Variants in CNTN5 observed in about 807,000 individuals in gnomAD.
CNTN5 encodes the protein contactin-5.
A neutral mutation model predicts 129.1 loss-of-function variants in CNTN5; 77 were observed. That is an observed-to-expected ratio of 0.60 (90% CI 0.50 to 0.72). The LOEUF is 0.72. CNTN5 is among the 30% of genes least tolerant of loss of function. The probability of loss-of-function intolerance (pLI) is 0.00; values close to 1 mark genes in which losing one functional copy is unlikely to be tolerated. For synonymous variants in CNTN5, 509 were observed against 465.6 expected (o/e 1.09, Z -1.20); for missense variants, 1,478 against 1,328.8 (o/e 1.11, Z -1.75).
At chr11:99,957,520 A>G (rs1591480260) in intron 8 of CNTN5, among the ~76,000 whole-genome samples, 1 of 152,190 alleles carries the variant, frequency 6.6e-6, no homozygotes, top group Non-Finnish European at 1.5e-5. Context: ...TGATGATTCT[A>G]TAATTATAGT....
intron 1 of CNTN5, among the ~76,000 whole-genome samples, chr11:99,062,688 T>C (rs958636546): frequency 6.6e-5 from 10 of 152,092 alleles, no homozygotes; most frequent in Non-Finnish European, 1.3e-4. Flanking sequence ...ACATTATCTG[T>C]AATGGATTTT....
intron 2 of CNTN5, among the ~76,000 whole-genome samples, chr11:99,371,794 T>C (rs976662399): frequency 6.6e-6 from 1 of 152,196 alleles, no homozygotes; most frequent in Non-Finnish European, 1.5e-5. Flanking sequence ...ACACACCCCA[T>C]ACCAAAAGAA....
chr11:100,173,257 A>C (rs1947873921), intron 13 of CNTN5, among the ~76,000 whole-genome samples: 1 of 152,100 alleles, frequency 6.6e-6, no homozygotes, highest in African/African-American at 2.4e-5. Context: ...AGAAGGGAAG[A>C]CATTTTTTGC....
At chr11:99,571,132 T>A (rs1192667585) in intron 3 of CNTN5, among the ~76,000 whole-genome samples, 1 of 152,226 alleles carries the variant, frequency 6.6e-6, no homozygotes, top group Non-Finnish European at 1.5e-5. Context: ...CTTTCTGCTT[T>A]ATGGAAAACC....
At chr11:99,221,317 T>A (rs1176053239) in intron 1 of CNTN5, among the ~76,000 whole-genome samples, 2 of 151,998 alleles carry the variant, frequency 1.3e-5, no homozygotes, top group African/African-American at 4.8e-5. Flanking sequence ...TTGGATTTTC[T>A]CAGGCTATCT....
intron 16 of CNTN5, among the ~76,000 whole-genome samples, chr11:100,245,590 C>A (rs1949825118): frequency 6.6e-6 from 1 of 152,012 alleles, no homozygotes; most frequent in South Asian, 2.1e-4. Context: ...TCTACTTTAT[C>A]TTTAGCAAGC....
intron 3 of CNTN5, among the ~76,000 whole-genome samples, chr11:99,608,264 T>C (rs966529854): frequency 6.6e-6 from 1 of 152,140 alleles, no homozygotes; most frequent in Admixed American, 6.6e-5. Context: ...GAAGTCCTTT[T>C]AGTTACTGGC....
chr11:99,966,374 T>C (rs1951093718), intron 8 of CNTN5, among the ~76,000 whole-genome samples: 1 of 152,150 alleles, frequency 6.6e-6, no homozygotes, highest in Non-Finnish European at 1.5e-5. Context: ...GATTAAGAGA[T>C]GTGATGGCAT....
chr11:99,348,714 T>G (rs930155087), intron 2 of CNTN5, among the ~76,000 whole-genome samples: 9 of 152,178 alleles, frequency 5.9e-5, no homozygotes, highest in African/African-American at 2.2e-4. Flanking sequence ...CAGTTGACAG[T>G]GTGTATGTGT....
intron 1 of CNTN5, among the ~76,000 whole-genome samples, chr11:99,198,601 A>G (rs1305109479): frequency 6.6e-6 from 1 of 152,184 alleles, no homozygotes; most frequent in African/African-American, 2.4e-5. Context: ...TATAAATTTC[A>G]ACTTTTAATC....
At chr11:99,833,067 C>A (rs1488082014) in intron 4 of CNTN5, among the ~76,000 whole-genome samples, 1 of 152,140 alleles carries the variant, frequency 6.6e-6, no homozygotes, top group Admixed American at 6.6e-5. Context: ...GGGTCATGAT[C>A]CAATAAAACA....
chr11:99,780,158 C>T (rs1341532662), intron 3 of CNTN5, among the ~76,000 whole-genome samples: 1 of 151,890 alleles, frequency 6.6e-6, no homozygotes, highest in Admixed American at 6.6e-5. Flanking sequence ...TTACTGTTAT[C>T]AAGTCCTCCT....
At chr11:99,133,525 C>T (rs192565071) in intron 1 of CNTN5, among the ~76,000 whole-genome samples, 1 of 149,152 alleles carries the variant, frequency 6.7e-6, no homozygotes, top group Non-Finnish European at 1.5e-5. Flanking sequence ...GGTCTAATAT[C>T]CAGAATCTAC....
chr11:100,010,852 T>C (rs1940483948), intron 9 of CNTN5, among the ~76,000 whole-genome samples: 1 of 152,076 alleles, frequency 6.6e-6, no homozygotes, highest in South Asian at 2.1e-4. Context: ...TCCTATTCAG[T>C]AAGGCTTACG....
At chr11:100,144,987 G>A (rs1355441978) in intron 13 of CNTN5, among the ~76,000 whole-genome samples, 1 of 151,254 alleles carries the variant, frequency 6.6e-6, no homozygotes, top group African/African-American at 2.4e-5. Flanking sequence ...CAAGTTTATG[G>A]TACCGACTTC....
chr11:99,075,184 A>G (rs1865512413), intron 1 of CNTN5, among the ~76,000 whole-genome samples: 1 of 152,160 alleles, frequency 6.6e-6, no homozygotes, highest in African/African-American at 2.4e-5. Context: ...TGAAAATCAC[A>G]TTTTGTTTCT....
chr11:99,543,801 C>G (rs1192446198), intron 2 of CNTN5, among the ~76,000 whole-genome samples: 1 of 151,384 alleles, frequency 6.6e-6, no homozygotes, highest in East Asian at 2.0e-4. Context: ...GCCTGTAATT[C>G]CTGCTACTCA....
intron 2 of CNTN5, among the ~76,000 whole-genome samples, chr11:99,542,059 A>G (rs1015600319): frequency 6.6e-6 from 1 of 151,892 alleles, no homozygotes; most frequent in Non-Finnish European, 1.5e-5. Context: ...TTTAATTGTC[A>G]TATAATAATT....
chr11:99,849,531 A>G (rs926861718), intron 6 of CNTN5, among the ~76,000 whole-genome samples: 42 of 152,082 alleles, frequency 2.8e-4, no homozygotes, highest in African/African-American at 1.0e-3. Context: ...CTGCTTTTCA[A>G]TGAGTGTAAT....
Sources: allele counts gnomAD v4.1 joint callset (sites outside exome capture counted in the v4.1 genomes callset), GRCh38; gene constraint gnomAD v4.1.1; transcripts MANE v1.5; gene names NCBI Gene and HGNC (gene_info 2026-07-23, HGNC 2026-07-21).